Variants in GPHN observed in about 807,000 individuals in gnomAD.
GPHN encodes the protein gephyrin.
GPHN carries 17 observed loss-of-function variants against 95.5 expected under a neutral mutation model. The observed-to-expected ratio is 0.18, with a 90% confidence interval of 0.12 to 0.27. The LOEUF (loss-of-function observed/expected upper bound fraction) is 0.27. Among genes scored for constraint, GPHN ranks in the 10% least tolerant of loss-of-function variants. The pLI is 1.00. For missense variants in GPHN, 660 were observed against 978.1 expected, an observed-to-expected ratio of 0.67 and a Z score of 4.34; for synonymous variants, 320 against 322.5, an observed-to-expected ratio of 0.99 and a Z score of 0.08.
rs112183844 is a variant in GPHN at position 67,164,234 on chromosome 14, C to T, written c.1911-928C>T. Among the ~76,000 whole-genome samples, 185 of 132,396 alleles carry T rather than the reference C, an allele frequency of 1.4e-3. 1 individual carries two copies. Among genetic ancestry groups the T allele is most frequent in the African/African-American group, 4.8e-3 (162 of 33,572 alleles). 86.9% of individuals were successfully genotyped at this position (132,396 alleles called of 152,430 possible). On this transcript the variant is annotated intron_variant, in intron 19 of 22. Coordinates refer to ENST00000478722, the MANE Select transcript of GPHN (RefSeq NM_020806.5). ...CGTGAGCTGAGATCACACCCTTGCACGCTAGCCTGGGCGACAAAGAGCAAA... is the reference window on the plus strand; with the variant it reads ...CGTGAGCTGAGATCACACCCTTGCATGCTAGCCTGGGCGACAAAGAGCAAA...
chr14:66,628,958 T>C (rs994595071), intron 1 of GPHN, among the ~76,000 whole-genome samples: 1 of 150,316 alleles, frequency 6.7e-6, no homozygotes, highest in African/African-American at 2.4e-5. Flanking sequence ...CCAGCCACTC[T>C]GGAGGCTAAG....
At chr14:67,144,003 G>A (rs1365279366) in intron 18 of GPHN, among the ~76,000 whole-genome samples, 1 of 151,408 alleles carries the variant, frequency 6.6e-6, no homozygotes, top group Non-Finnish European at 1.5e-5. Context: ...TTGGGAGGCT[G>A]AGGTGGGTAG....
the GPHN span, among the ~76,000 whole-genome samples, chr14:67,730,893 C>T: frequency 4.6e-5 from 7 of 151,942 alleles, no homozygotes; most frequent in East Asian, 3.9e-4. Context: ...CGTGAGCCAC[C>T]GCGCCCAGCC....
intron 4 of GPHN, among the ~76,000 whole-genome samples, chr14:66,855,097 G>A (rs564998104): frequency 2.0e-5 from 3 of 152,144 alleles, no homozygotes; most frequent in African/African-American, 7.2e-5. Flanking sequence ...TCTGCCCACC[G>A]CAGCCTCCCT....
chr14:66,523,964 G>A (rs2058582760), intron 1 of GPHN, among the ~76,000 whole-genome samples: 1 of 151,886 alleles, frequency 6.6e-6, no homozygotes, highest in African/African-American at 2.4e-5. Flanking sequence ...CTTAAGTTTT[G>A]GGCAGTTAGA....
intron 2 of GPHN, among the ~76,000 whole-genome samples, chr14:66,775,094 G>A (rs1049382667): frequency 4.6e-5 from 7 of 151,792 alleles, no homozygotes; most frequent in African/African-American, 1.5e-4. Context: ...TGCATGTCCC[G>A]AGGGTTTGGT....
At chr14:67,539,705 G>C in the GPHN span, among the ~76,000 whole-genome samples, 12 of 152,306 alleles carry the variant, frequency 7.9e-5, no homozygotes, top group East Asian at 2.3e-3. Context: ...AAAGAGCACA[G>C]AGTGGCAATG....
At chr14:67,473,898 G>A in the GPHN span, 1 of 1,607,546 alleles carries the variant, frequency 6.2e-7, no homozygotes, top group Non-Finnish European at 8.5e-7. This position sits in a 1 kb window ranked among gnomAD's most constrained non-coding sequence, Gnocchi z 6.5. Context: ...GCGGGACAGC[G>A]CCGTCAGGGG....
the GPHN span, chr14:67,411,937 G>C: frequency 7.7e-7 from 1 of 1,292,070 alleles, no homozygotes; most frequent in East Asian, 3.0e-5. Context: ...CCGTTCCGGG[G>C]CGCGCGTCTG....
At chr14:66,959,919 TA>T (rs1326770196) in intron 8 of GPHN, among the ~76,000 whole-genome samples, 1 of 152,082 alleles carries the variant, frequency 6.6e-6, no homozygotes, top group Non-Finnish European at 1.5e-5. Context: ...TATTTTCCTT[TA>T]TTTAAGCCAT....
intron 4 of GPHN, among the ~76,000 whole-genome samples, chr14:66,827,818 G>T (rs1047880672): frequency 5.9e-5 from 9 of 151,846 alleles, no homozygotes; most frequent in Non-Finnish European, 1.2e-4. Context: ...TTGAATTTCT[G>T]CTATTCTAGT....
chr14:66,608,805 A>G (rs2062655518), intron 1 of GPHN, among the ~76,000 whole-genome samples: 1 of 151,778 alleles, frequency 6.6e-6, no homozygotes, highest in Admixed American at 6.6e-5. Context: ...TAGAATTGCA[A>G]CTCCTGCTCT....
the GPHN span, among the ~76,000 whole-genome samples, chr14:67,541,674 G>A: frequency 6.6e-6 from 1 of 152,218 alleles, no homozygotes; most frequent in South Asian, 2.1e-4. Context: ...GGAAGGCAGG[G>A]AGGGGCCCTG....
At chr14:66,973,413 C>G (rs2069955146) in intron 9 of GPHN, among the ~76,000 whole-genome samples, 1 of 152,204 alleles carries the variant, frequency 6.6e-6, no homozygotes, top group African/African-American at 2.4e-5. Context: ...TGGATAATAA[C>G]TAATTTTCCC....
rs115901177 is a variant in GPHN at position 66,855,383 on chromosome 14, T to C, written c.295-24556T>C. Among the ~76,000 whole-genome samples, 522 of 152,340 alleles carry C rather than the reference T, an allele frequency of 3.4e-3. 2 individuals carry two copies. Among genetic ancestry groups the C allele is most frequent in the African/African-American group, 0.012 (500 of 41,588 alleles). On this transcript the variant is annotated intron_variant, in intron 4 of 22. Transcript: ENST00000478722. The stretch of plus-strand genomic sequence containing the variant: ...TCATGTAAGTGCAGCCACACAATAA[T>C]TCTCCTTTTGTGCATGGCTTTTTTC...
At chr14:67,070,463 C>T (rs978091278) in intron 11 of GPHN, among the ~76,000 whole-genome samples, 1 of 149,556 alleles carries the variant, frequency 6.7e-6, no homozygotes, top group East Asian at 2.0e-4. Context: ...TTCAGGAGGC[C>T]GAGGTGGGCG....
intron 4 of GPHN, among the ~76,000 whole-genome samples, chr14:66,830,881 A>G (rs1039998096): frequency 5.3e-5 from 8 of 152,110 alleles, no homozygotes; most frequent in African/African-American, 1.9e-4. Context: ...AATTAAAGAA[A>G]GTTACAAAAA....
chr14:67,594,071 T>C, the GPHN span: 1 of 659,984 alleles, frequency 1.5e-6, no homozygotes, highest in Non-Finnish European at 2.7e-6. Context: ...TCTAAGGTGC[T>C]ATGAAAGTAT....
chr14:66,851,357 TCAAAGACAGGAG>T (rs547315653), intron 4 of GPHN, among the ~76,000 whole-genome samples: 2 of 152,188 alleles, frequency 1.3e-5, no homozygotes, highest in South Asian at 4.1e-4. Context: ...TTTTTTTTTT[TCAAAGACAGGAG>T]CTCCCTCTGT....
Sources: gnomAD v4.1 joint callset for allele counts (sites outside exome capture counted in the v4.1 genomes callset) on GRCh38, gnomAD v4.1.1 for gene constraint, Gnocchi (gnomAD v3.1) non-coding constraint, MANE v1.5 for transcripts, NCBI Gene and HGNC (gene_info 2026-07-23, HGNC 2026-07-21) for gene names.